Variants in DIP2C observed in about 807,000 individuals in gnomAD.
DIP2C encodes disco-interacting protein 2 homolog C.
In DIP2C, 33 loss-of-function variants were observed where a neutral mutation model predicts 192.4. The observed-to-expected ratio is 0.17, with a 90% CI of 0.13 to 0.23. The LOEUF is 0.23. DIP2C is among the 10% of genes least tolerant of loss of function. The probability of loss-of-function intolerance (pLI) is 1.00; values close to 1 mark genes in which losing one functional copy is unlikely to be tolerated. For synonymous variants in DIP2C, 979 were observed against 864.1 expected (o/e 1.13, Z -2.33); for missense variants, 1,537 against 2,110.1 (o/e 0.73, Z 5.32).
chr10:508,695 G>GA (rs1845799444), intron 1 of DIP2C, among the ~76,000 whole-genome samples: 2 of 152,068 alleles, frequency 1.3e-5, no homozygotes, highest in African/African-American at 2.4e-5. Flanking sequence ...GTCAACGTAA[G>GA]AAAAAAGCCT....
chr10:413,117 T>C (rs974593685), intron 8 of DIP2C, among the ~76,000 whole-genome samples: 1 of 152,222 alleles, frequency 6.6e-6, no homozygotes, highest in Non-Finnish European at 1.5e-5. Flanking sequence ...ACTACAGGCA[T>C]GAGCCATCAT....
At chr10:586,304 G>T (rs1271016271) in intron 1 of DIP2C, among the ~76,000 whole-genome samples, 2 of 152,210 alleles carry the variant, frequency 1.3e-5, no homozygotes, top group Non-Finnish European at 2.9e-5. Flanking sequence ...ACCTGGCTGG[G>T]ATCCAAGTGC....
At chr10:494,170 A>G (rs1342143587) in intron 1 of DIP2C, among the ~76,000 whole-genome samples, 1 of 152,232 alleles carries the variant, frequency 6.6e-6, no homozygotes, top group Non-Finnish European at 1.5e-5. Flanking sequence ...GTGCTTTTGG[A>G]GAAACAAGAG....
intron 3 of DIP2C, among the ~76,000 whole-genome samples, chr10:445,259 G>A (rs1968071112): frequency 6.6e-6 from 1 of 151,422 alleles, no homozygotes; most frequent in Non-Finnish European, 1.5e-5. Context: ...TGGCCCATGG[G>A]GCATCTGTAT....
chr10:663,540 C>T (rs1223414554), intron 1 of DIP2C: 1 of 152,186 alleles, frequency 6.6e-6, no homozygotes, highest in African/African-American at 2.4e-5. Context: ...CACACAGAAG[C>T]ATTTAGAGGC....
At chr10:560,809 G>C (rs1199615440) in intron 1 of DIP2C, among the ~76,000 whole-genome samples, 3 of 152,072 alleles carry the variant, frequency 2.0e-5, no homozygotes, top group Non-Finnish European at 2.9e-5. Context: ...CATGATCGGT[G>C]GGGGGTGGGA....
At chr10:369,171 G>A (rs1960659783) in intron 18 of DIP2C, among the ~76,000 whole-genome samples, 2 of 152,248 alleles carry the variant, frequency 1.3e-5, no homozygotes. Context: ...TGACAGATGG[G>A]CACGTCCTCT....
intron 1 of DIP2C, among the ~76,000 whole-genome samples, chr10:588,794 G>A (rs1851238152): frequency 6.6e-6 from 1 of 152,216 alleles, no homozygotes; most frequent in African/African-American, 2.4e-5. Context: ...CCCAGCCACT[G>A]ACAAGAGCCC....
chr10:433,209 A>G (rs910665684), intron 4 of DIP2C, among the ~76,000 whole-genome samples: 3 of 152,220 alleles, frequency 2.0e-5, no homozygotes, highest in African/African-American at 7.2e-5. Context: ...TCCAACTATA[A>G]TACTGGATTA....
intron 32 of DIP2C, among the ~76,000 whole-genome samples, chr10:309,285 C>A (rs1465782482): frequency 6.6e-6 from 1 of 152,056 alleles, no homozygotes; most frequent in African/African-American, 2.4e-5. Flanking sequence ...ACACTCTCAC[C>A]AAGAACTCCA....
intron 10 of DIP2C, among the ~76,000 whole-genome samples, chr10:395,340 T>A (rs894130806): frequency 6.6e-6 from 1 of 152,218 alleles, no homozygotes. Flanking sequence ...GTGACAGATA[T>A]GTTAATCAGT....
intron 1 of DIP2C, among the ~76,000 whole-genome samples, chr10:608,876 T>C (rs1235412287): frequency 1.3e-5 from 2 of 151,460 alleles, no homozygotes; most frequent in African/African-American, 4.9e-5. Flanking sequence ...TAAAAGATCT[T>C]GTATAGAAAT....
At chr10:280,338 T>TCC (rs1954749556) in intron 36 of DIP2C, among the ~76,000 whole-genome samples, 1 of 152,124 alleles carries the variant, frequency 6.6e-6, no homozygotes, top group East Asian at 1.9e-4. Context: ...AGAACATACC[T>TCC]CCCTCAGGGT....
At position 349,322 on chromosome 10, in the gene DIP2C, C is replaced by T. The variant is rs371314949; in HGVS notation, c.3109+9G>A. 157 of 1,600,758 alleles carry T rather than the reference C, an allele frequency of 9.8e-5. No individual in the cohort carries two copies. The African/African-American group carries it at 1.0e-3, about 10-fold the overall frequency. ...CATCTCTCAGGGGAAGCCCACCCTG[C>T]GCCTGTACCTGGGGGGTAGACCAAG... On this transcript the variant is annotated intron_variant, in intron 25 of 36. Coordinates refer to ENST00000280886, the MANE Select transcript of DIP2C (RefSeq NM_014974.3).
At chr10:283,475 A>G (rs770942306) in intron 34 of DIP2C, 29 bp from the exon 35 acceptor site, 1 of 1,611,020 alleles carries the variant, frequency 6.2e-7, no homozygotes, top group Non-Finnish European at 8.5e-7. Context: ...GTCACTGTGG[A>G]TGACATTATT....
At chr10:427,659 C>A (rs371879649) in intron 4 of DIP2C, among the ~76,000 whole-genome samples, 4 of 152,170 alleles carry the variant, frequency 2.6e-5, no homozygotes, top group Non-Finnish European at 4.4e-5. Flanking sequence ...CTAATAAGCA[C>A]ATTAAAAGAT....
intron 1 of DIP2C, among the ~76,000 whole-genome samples, chr10:660,395 C>T (rs1374751593): frequency 6.6e-6 from 1 of 151,768 alleles, no homozygotes; most frequent in Non-Finnish European, 1.5e-5. Flanking sequence ...GAGATTCTAG[C>T]CCTTGTCCCT....
At chr10:342,380 G>A (rs1054983868) in intron 28 of DIP2C, among the ~76,000 whole-genome samples, 31 of 152,092 alleles carry the variant, frequency 2.0e-4, no homozygotes, top group African/African-American at 7.5e-4. Context: ...GGATGGTCTC[G>A]ATCTCCTGAC....
chr10:425,008 C>T (rs1479630417), intron 4 of DIP2C, among the ~76,000 whole-genome samples: 1 of 141,158 alleles, frequency 7.1e-6, no homozygotes, highest in African/African-American at 2.7e-5. Flanking sequence ...GCATGACCAG[C>T]GGTGACTAAT....
Sources: gnomAD v4.1 joint callset for allele counts (sites outside exome capture counted in the v4.1 genomes callset) on GRCh38, gnomAD v4.1.1 for gene constraint, MANE v1.5 for transcripts, NCBI Gene and HGNC (gene_info 2026-07-23, HGNC 2026-07-21) for gene names.